Variants in FGFR2 observed in about 807,000 individuals in gnomAD.
FGFR2 encodes the protein BEK fibroblast growth factor receptor.
A neutral mutation model predicts 95.9 loss-of-function variants in FGFR2; 19 were observed. The ratio of observed to expected loss-of-function variants is 0.20; its 90% CI spans 0.14 to 0.29. The LOEUF (loss-of-function observed/expected upper bound fraction) is 0.29. FGFR2 is among the 10% of genes least tolerant of loss of function. The probability of loss-of-function intolerance (pLI) is 1.00; values close to 1 mark genes in which losing one functional copy is unlikely to be tolerated. For missense variants in FGFR2, 707 were observed against 1,056.9 expected, an observed-to-expected ratio of 0.67 and a Z score of 4.59; for synonymous variants, 392 against 393.3, an observed-to-expected ratio of 1.00 and a Z score of 0.04.
intron 11 of FGFR2, 57 bp from the exon 12 acceptor site, chr10:121,498,662 T>C (rs1438790091): frequency 7.1e-6 from 10 of 1,416,466 alleles, no homozygotes; most frequent in Non-Finnish European, 8.0e-6. Flanking sequence ...CATGGGCAGC[T>C]ACTGTTAGTT....
intron 5 of FGFR2, among the ~76,000 whole-genome samples, chr10:121,546,170 AG>A (rs1239068664): frequency 7.4e-6 from 1 of 134,678 alleles, no homozygotes; most frequent in Non-Finnish European, 1.5e-5. Context: ...CTAGCCATGA[AG>A]GTAACCTCTT....
intron 13 of FGFR2, among the ~76,000 whole-genome samples, chr10:121,494,118 T>A (rs1007401008): frequency 2.0e-5 from 3 of 151,930 alleles, no homozygotes; most frequent in Non-Finnish European, 4.4e-5. Flanking sequence ...AGAGGCATTT[T>A]TGAAGCACTA....
At chr10:121,590,514 G>C (rs1254891728) in intron 2 of FGFR2, among the ~76,000 whole-genome samples, 1 of 152,078 alleles carries the variant, frequency 6.6e-6, no homozygotes, top group Non-Finnish European at 1.5e-5. Context: ...AATTAACAAT[G>C]AATGACCAAC....
chr10:121,579,777 G>A (rs1860536368), intron 2 of FGFR2, among the ~76,000 whole-genome samples: 1 of 152,156 alleles, frequency 6.6e-6, no homozygotes, highest in Admixed American at 6.5e-5. Context: ...ATGGGCAAGA[G>A]TCCCCACAGC....
intron 16 of FGFR2, 50 bp from the exon 17 acceptor site, chr10:121,483,853 G>T (rs775912146): frequency 7.1e-7 from 1 of 1,406,926 alleles, no homozygotes; most frequent in Non-Finnish European, 1.0e-6. Flanking sequence ...CTGGGTACGT[G>T]GTTATAGTCA....
chr10:121,559,097 T>A (rs1856583751), intron 4 of FGFR2, among the ~76,000 whole-genome samples: 1 of 114,266 alleles, frequency 8.8e-6, no homozygotes. Context: ...TTTCAATGTC[T>A]CAATCCAAAA....
intron 12 of FGFR2, among the ~76,000 whole-genome samples, chr10:121,497,277 G>T (rs1301106873): frequency 2.0e-5 from 3 of 152,076 alleles, no homozygotes. Flanking sequence ...CACAGTTGAC[G>T]TGCTCTTCCC....
At position 121,517,626 on chromosome 10, in the gene FGFR2, A is replaced by G. The variant is rs1401897310; in HGVS notation, c.940-163T>C. On this transcript the variant is annotated intron_variant, in intron 7 of 17. Coordinates refer to ENST00000358487, the MANE Select transcript of FGFR2 (RefSeq NM_000141.5). This position sits in a 1 kb window ranked among gnomAD's most constrained non-coding sequence, Gnocchi z 4.7. ...CAAAGCCCACAACCGAGAGACACGG[A>G]GCAACACTGACCAGCTCACCTCCAC... Among the ~76,000 whole-genome samples, 1 of 151,990 alleles carries G rather than the reference A, an allele frequency of 6.6e-6. No homozygotes were observed. The highest frequency in any genetic ancestry group is 1.9e-4 in the East Asian group (1 of 5,178).
At chr10:121,535,482 C>T (rs891699284) in intron 6 of FGFR2, among the ~76,000 whole-genome samples, 1 of 152,202 alleles carries the variant, frequency 6.6e-6, no homozygotes, top group Non-Finnish European at 1.5e-5. Flanking sequence ...TCATGAGTTC[C>T]AGTTCCTTCA....
intron 4 of FGFR2, among the ~76,000 whole-genome samples, chr10:121,557,773 G>A (rs914412142): frequency 3.9e-5 from 6 of 152,066 alleles, no homozygotes; most frequent in African/African-American, 1.4e-4. Context: ...TCTCTACCAA[G>A]TAAAAATCCC....
In FGFR2 at chr10:121,498,500, T is replaced by G. The variant is rs1252475021; in HGVS notation, c.1667A>C (p.Gln556Pro). The G allele has an allele frequency of 6.3e-7, 1 of 1,585,712 alleles. No homozygotes were observed. Among genetic ancestry groups the G allele is most frequent in the Non-Finnish European group, 8.7e-7 (1 of 1,154,130 alleles). The change falls in exon 12 of 18, where the codon CAG becomes CCG. Residue 556 changes from glutamine to proline, a missense_variant. Gln to Pro is a moderately conservative substitution (Grantham distance 76). Around this residue, in one of 7 missense-constraint regions of FGFR2, gnomAD observed 194 missense variants for 267.3 expected, o/e 0.73. Coordinates refer to ENST00000358487, the MANE Select transcript of FGFR2 (RefSeq NM_000141.5). ...CAGTTTTTCCTCCTACTCACCATCCTGTGTGCAGGCTCCAAGAAGATTTAT... is the reference window on the plus strand; with the variant it reads ...CAGTTTTTCCTCCTACTCACCATCCGGTGTGCAGGCTCCAAGAAGATTTAT... Reference protein sequence around the residue: ...NIINLLGACTQDGPLYVIVEY... With the variant: ...NIINLLGACTPDGPLYVIVEY...
chr10:121,584,893 G>A (rs1186047349), intron 2 of FGFR2, among the ~76,000 whole-genome samples: 14 of 57,920 alleles, frequency 2.4e-4, no homozygotes, highest in East Asian at 5.6e-4. Context: ...TCTCCATCCC[G>A]CACCCCACCC....
At chr10:121,482,321 C>CG (rs1844867693) in intron 17 of FGFR2, 1 of 665,092 alleles carries the variant, frequency 1.5e-6, no homozygotes, top group Non-Finnish European at 2.6e-6. Context: ...TTCTGAAGGT[C>CG]AGCTGTATTC....
At chr10:121,525,626 A>G (rs183851567) in intron 6 of FGFR2, among the ~76,000 whole-genome samples, 4 of 3,906 alleles carry the variant, frequency 1.0e-3, no homozygotes, top group African/African-American at 1.0e-3. Flanking sequence ...TTATTGAGGG[A>G]GAGAGAGAGA....
chr10:121,541,601 A>G (rs1853764255), intron 5 of FGFR2, among the ~76,000 whole-genome samples: 1 of 152,246 alleles, frequency 6.6e-6, no homozygotes, highest in Non-Finnish European at 1.5e-5. Context: ...CCAAATGCAC[A>G]TACACCGTCT....
chr10:121,494,331 T>C (rs1379838910), intron 13 of FGFR2, among the ~76,000 whole-genome samples: 2 of 152,196 alleles, frequency 1.3e-5, no homozygotes, highest in African/African-American at 2.4e-5. Context: ...TCAAGGACTA[T>C]GTCTCTTCTG....
chr10:121,571,237 C>G (rs865922644), intron 2 of FGFR2, among the ~76,000 whole-genome samples: 15 of 149,224 alleles, frequency 1.0e-4, no homozygotes, highest in African/African-American at 1.2e-4. Flanking sequence ...CCTCGTGATA[C>G]GCCCACCTCA....
rs575555238 is a variant in FGFR2 at position 121,582,592 on chromosome 10, C to T, written c.109+11117G>A. 4.6e-5 allele frequency among the ~76,000 whole-genome samples: 7 copies of T among 152,160 alleles called. No individual in the cohort carries two copies. In the South Asian group the frequency reaches 8.3e-4, roughly 18 times the overall value. The stretch of plus-strand genomic sequence containing the variant: ...GGTGGATCACCCGAGGTCAAGAGTT[C>T]GAGACCAACATGGTGAAACCCCAGC... On this transcript the variant is annotated intron_variant, in intron 2 of 17. Coordinates refer to ENST00000358487, the MANE Select transcript of FGFR2 (RefSeq NM_000141.5).
intron 2 of FGFR2, among the ~76,000 whole-genome samples, chr10:121,591,011 A>G (rs12264133): frequency 3.6e-4 from 52 of 144,438 alleles, no homozygotes; most frequent in African/African-American, 1.1e-3. Flanking sequence ...ACACACGCAC[A>G]CTCTCTCTCT....
Sources: gnomAD v4.1 joint callset for allele counts (sites outside exome capture counted in the v4.1 genomes callset) on GRCh38, gnomAD v4.1.1 for gene constraint, gnomAD v4.1.1 regional missense constraint, Gnocchi (gnomAD v3.1) non-coding constraint, MANE v1.5 for transcripts, NCBI Gene and HGNC (gene_info 2026-07-23, HGNC 2026-07-21) for gene names.